TXNDC16: variants seen among roughly 807,000 people sequenced by gnomAD.
The protein encoded by TXNDC16 is thioredoxin domain containing 16, also known as thioredoxin domain-containing protein 16.
Under a neutral mutation model 85.6 loss-of-function variants are expected in TXNDC16, and 74 were observed. The observed-to-expected ratio is 0.86, with a 90% CI of 0.72 to 1.05. TXNDC16 has a LOEUF of 1.05. Among genes scored for constraint, TXNDC16 ranks in the 50% least tolerant of loss-of-function variants. TXNDC16 has a pLI of 0.00. For synonymous variants in TXNDC16, 335 were observed against 326.5 expected (o/e 1.03, Z -0.28); for missense variants, 959 against 947.0 (o/e 1.01, Z -0.17).
chr14:52,465,139 A>C (rs2035742358), intron 16 of TXNDC16, among the ~76,000 whole-genome samples: 1 of 152,198 alleles, frequency 6.6e-6, no homozygotes, highest in African/African-American at 2.4e-5. Context: ...ATATGTAGTT[A>C]ATAGTATCTA....
At chr14:52,488,121 T>A (rs2036312047) in intron 12 of TXNDC16, among the ~76,000 whole-genome samples, 1 of 152,198 alleles carries the variant, frequency 6.6e-6, no homozygotes, top group African/African-American at 2.4e-5. Context: ...AAGGCACAGA[T>A]GTGGGAAGTT....
chr14:52,456,358 A>C (rs576125811), intron 17 of TXNDC16, among the ~76,000 whole-genome samples: 1 of 150,916 alleles, frequency 6.6e-6, no homozygotes, highest in Non-Finnish European at 1.5e-5. Context: ...TCAGATGGAC[A>C]GTCCTCATAT....
chr14:52,528,385 T>C (rs971321603), intron 6 of TXNDC16, among the ~76,000 whole-genome samples: 1 of 152,128 alleles, frequency 6.6e-6, no homozygotes, highest in Non-Finnish European at 1.5e-5. Flanking sequence ...CATCTGTAAA[T>C]ATTTCTCCTT....
chr14:52,485,900 T>A (rs868837431), intron 12 of TXNDC16, among the ~76,000 whole-genome samples: 35 of 152,212 alleles, frequency 2.3e-4, no homozygotes, highest in African/African-American at 8.2e-4. Context: ...ATTCTAGATC[T>A]GGATTTCACT....
At chr14:52,463,482 C>T (rs1035904626) in intron 16 of TXNDC16, among the ~76,000 whole-genome samples, 1 of 152,302 alleles carries the variant, frequency 6.6e-6, no homozygotes, top group East Asian at 1.9e-4. Flanking sequence ...GCAGCCCCCC[C>T]AAACCAGAAT....
intron 20 of TXNDC16, among the ~76,000 whole-genome samples, chr14:52,437,866 T>G (rs1462726823): frequency 6.6e-6 from 1 of 152,126 alleles, no homozygotes. Context: ...CAATGAGATA[T>G]CACCTCACCC....
At chr14:52,500,890 T>C (rs1248842336) in intron 9 of TXNDC16, among the ~76,000 whole-genome samples, 1 of 152,228 alleles carries the variant, frequency 6.6e-6, no homozygotes, top group Non-Finnish European at 1.5e-5. Context: ...ATTAGATATT[T>C]GCACTTGAGA....
intron 7 of TXNDC16, among the ~76,000 whole-genome samples, chr14:52,516,178 T>A (rs1201061571): frequency 2.0e-5 from 3 of 152,144 alleles, no homozygotes; most frequent in African/African-American, 4.8e-5. Flanking sequence ...ATTCTCTTAC[T>A]CCCTCTCTTG....
chr14:52,485,835 T>A (rs2036256078), intron 12 of TXNDC16, among the ~76,000 whole-genome samples: 1 of 152,192 alleles, frequency 6.6e-6, no homozygotes, highest in South Asian at 2.1e-4. Flanking sequence ...TAATGATGCA[T>A]TTCTCAGAAA....
At chr14:52,504,919 T>C (rs2036755880) in intron 9 of TXNDC16, among the ~76,000 whole-genome samples, 1 of 152,044 alleles carries the variant, frequency 6.6e-6, no homozygotes, top group African/African-American at 2.4e-5. Flanking sequence ...GGGGTTGCAA[T>C]CCTAGACTCT....
intron 9 of TXNDC16, among the ~76,000 whole-genome samples, chr14:52,491,345 C>CTTTT (rs11337974): frequency 1.9e-5 from 2 of 107,500 alleles, no homozygotes; most frequent in East Asian, 2.8e-4. Flanking sequence ...CCATGCCTAG[C>CTTTT]TTTTTTTTTT....
chr14:52,464,793 C>T (rs764202510), intron 16 of TXNDC16, among the ~76,000 whole-genome samples: 11 of 151,908 alleles, frequency 7.2e-5, no homozygotes, highest in Non-Finnish European at 1.0e-4. Flanking sequence ...ATTAGCTGGG[C>T]GTGCTGCTGC....
intron 12 of TXNDC16, 70 bp from the exon 13 acceptor site, chr14:52,483,035 G>T: frequency 1.6e-6 from 2 of 1,282,638 alleles, no homozygotes; most frequent in Non-Finnish European, 2.1e-6. Context: ...TCTTCTCATA[G>T]GAAGCATATA....
At chr14:52,495,339 A>AAG (rs2036506545) in intron 9 of TXNDC16, among the ~76,000 whole-genome samples, 1 of 152,192 alleles carries the variant, frequency 6.6e-6, no homozygotes, top group African/African-American at 2.4e-5. Flanking sequence ...CAGGCTGCTT[A>AAG]GTCTAACAAC....
chr14:52,476,281 C>T (rs1047850897), intron 14 of TXNDC16, among the ~76,000 whole-genome samples: 3 of 152,008 alleles, frequency 2.0e-5, no homozygotes, highest in South Asian at 4.2e-4. Context: ...CTTTAACTCA[C>T]CCCCGCAAAA....
At chr14:52,432,652 G>A in intron 20 of TXNDC16, 65 bp from the exon 21 acceptor site, 1 of 1,352,242 alleles carries the variant, frequency 7.4e-7, no homozygotes, top group Non-Finnish European at 9.8e-7. Context: ...CAACATATTA[G>A]AAAATGTTTT....
At chr14:52,545,875 G>T (rs1429663662) in intron 1 of TXNDC16, among the ~76,000 whole-genome samples, 1 of 152,044 alleles carries the variant, frequency 6.6e-6, no homozygotes, top group African/African-American at 2.4e-5. Context: ...TAAAGGCAAG[G>T]GAATGTGGGT....
chr14:52,496,406 C>T (rs1398142900), intron 9 of TXNDC16, among the ~76,000 whole-genome samples: 1 of 147,516 alleles, frequency 6.8e-6, no homozygotes. Context: ...CTAGGTCTGC[C>T]CTCCAACTCG....
At chr14:52,466,392 CAAAAAAAAAAA>C (rs35493549) in intron 16 of TXNDC16, among the ~76,000 whole-genome samples, 1 of 56,700 alleles carries the variant, frequency 1.8e-5, no homozygotes, top group Non-Finnish European at 3.1e-5. Context: ...GACTCTGTCT[CAAAAAAAAAAA>C]AAAAAAAAAA....
Sources: allele counts gnomAD v4.1 joint callset (sites outside exome capture counted in the v4.1 genomes callset), GRCh38; gene constraint gnomAD v4.1.1; transcripts MANE v1.5; gene names NCBI Gene and HGNC (gene_info 2026-07-23, HGNC 2026-07-21).